NHS: variants seen among roughly 807,000 people sequenced by gnomAD.
NHS encodes the protein NHS actin remodeling regulator.
A neutral mutation model predicts 72.5 loss-of-function variants in NHS; 5 were observed. The observed-to-expected ratio is 0.07, with a 90% confidence interval of 0.04 to 0.14. The LOEUF is 0.14. Ranked by LOEUF, NHS falls within the 10% of genes least tolerant of loss-of-function variation. NHS has a pLI of 1.00. For synonymous variants in NHS, 464 were observed against 547.7 expected, an observed-to-expected ratio of 0.85 and a Z score of 2.13; for missense variants, 1,072 against 1,355.7, an observed-to-expected ratio of 0.79 and a Z score of 3.29.
intron 1 of NHS, among the ~76,000 whole-genome samples, chrX:17,534,675 G>A (rs942615866): frequency 2.7e-5 from 3 of 111,961 alleles, no homozygotes; most frequent in Non-Finnish European, 5.6e-5. Flanking sequence ...ATAAAGGCAA[G>A]TTTATAAAAA....
At chrX:17,411,753 A>G (rs1459544302) in intron 1 of NHS, among the ~76,000 whole-genome samples, 1 of 111,899 alleles carries the variant, frequency 8.9e-6, no homozygotes, top group East Asian at 2.8e-4. Context: ...ATAACCCATG[A>G]CCATATTCTG....
At chrX:17,694,270 T>A (rs754474396) in intron 3 of NHS, among the ~76,000 whole-genome samples, 1 of 112,231 alleles carries the variant, frequency 8.9e-6, no homozygotes, top group East Asian at 2.8e-4. Context: ...CTGTTTTATT[T>A]GTTCAAGAGT....
chrX:17,410,288 A>G (rs997030512), intron 1 of NHS, among the ~76,000 whole-genome samples: 26 of 111,144 alleles, frequency 2.3e-4, no homozygotes, highest in Non-Finnish European at 1.1e-4. Context: ...TGTTAGCAAC[A>G]GTATCGCTGT....
chrX:17,504,891 A>G (rs1187527429), intron 1 of NHS, among the ~76,000 whole-genome samples: 2 of 112,358 alleles, frequency 1.8e-5, no homozygotes, highest in Non-Finnish European at 3.8e-5. Flanking sequence ...AAAGAAAGGA[A>G]TAAAATAAAA....
At chrX:17,627,047 T>C (rs1463736839) in intron 1 of NHS, among the ~76,000 whole-genome samples, 5 of 111,864 alleles carry the variant, frequency 4.5e-5, no homozygotes, top group Non-Finnish European at 9.4e-5. Context: ...GAAAAATGAG[T>C]TTTATCTCCC....
intron 1 of NHS, among the ~76,000 whole-genome samples, chrX:17,608,647 A>G (rs1311841168): frequency 9.0e-6 from 1 of 110,606 alleles, no homozygotes; most frequent in East Asian, 2.8e-4. Context: ...TGGCTATACT[A>G]TGACTGCAGA....
chrX:17,548,016 C>A (rs1387466716), intron 1 of NHS, among the ~76,000 whole-genome samples: 1 of 112,101 alleles, frequency 8.9e-6, no homozygotes, highest in Non-Finnish European at 1.9e-5. Context: ...GGTGTTTCTT[C>A]ATGTCTCTGC....
At chrX:17,493,513 A>G (rs1258730406) in intron 1 of NHS, among the ~76,000 whole-genome samples, 2 of 112,256 alleles carry the variant, frequency 1.8e-5, no homozygotes, top group Admixed American at 9.5e-5. Context: ...TGTCCACTGC[A>G]TCGCCAGTCC....
intron 1 of NHS, among the ~76,000 whole-genome samples, chrX:17,483,452 G>A (rs746227891): frequency 6.3e-5 from 7 of 111,849 alleles, no homozygotes; most frequent in Non-Finnish European, 1.3e-4. Context: ...TAATACCACC[G>A]TGGTTTGTTA....
intron 2 of NHS, among the ~76,000 whole-genome samples, chrX:17,688,101 T>C (rs1180397706): frequency 4.5e-5 from 5 of 112,097 alleles, no homozygotes; most frequent in African/African-American, 1.3e-4. Flanking sequence ...CTAAATATGA[T>C]AATAAAGAGA....
chrX:17,561,683 G>A (rs1380926345), intron 1 of NHS, among the ~76,000 whole-genome samples: 1 of 103,737 alleles, frequency 9.6e-6, no homozygotes, highest in South Asian at 4.6e-4. Flanking sequence ...TTGGAGAGCC[G>A]TCCACTGCTT....
intron 5 of NHS, among the ~76,000 whole-genome samples, chrX:17,724,046 CT>C (rs1179264116): frequency 9.0e-6 from 1 of 111,577 alleles, no homozygotes; most frequent in Non-Finnish European, 1.9e-5. Context: ...TTTCTCTTCT[CT>C]TTCTTTTGAT....
intron 1 of NHS, among the ~76,000 whole-genome samples, chrX:17,420,632 G>A (rs1362004450): frequency 8.9e-6 from 1 of 111,898 alleles, no homozygotes; most frequent in Non-Finnish European, 1.9e-5. Context: ...AGATGCTGAA[G>A]GCCTTTGATG....
intron 1 of NHS, among the ~76,000 whole-genome samples, chrX:17,411,734 T>C (rs2064559999): frequency 8.9e-6 from 1 of 111,906 alleles, no homozygotes; most frequent in African/African-American, 3.2e-5. Flanking sequence ...TATATCCAGG[T>C]AGTGTAGAAT....
chrX:17,649,608 A>C (rs1482411389), intron 1 of NHS, among the ~76,000 whole-genome samples: 1 of 110,619 alleles, frequency 9.0e-6, no homozygotes, highest in Non-Finnish European at 1.9e-5. Flanking sequence ...TTGCCGGTAT[A>C]TGCAAAGTTT....
chrX:17,692,301 G>A (rs1369649363), intron 2 of NHS, 34 bp from the exon 3 acceptor site: 1 of 1,206,683 alleles, frequency 8.3e-7, no homozygotes, highest in South Asian at 1.8e-5. Context: ...AATGCCAAGT[G>A]TATTTCAGTA....
rs955542538 is a variant in NHS, at chrX:17,526,225, T to G, written c.565+149903T>G. Among the ~76,000 whole-genome samples the G allele has an allele frequency of 6.2e-5, 7 of 112,658 alleles. No individual in the cohort carries two copies. In the East Asian group the frequency reaches 2.0e-3, roughly 31 times the overall value. ...AACAACAAACATATATCTTAGTCTG[T>G]GGTTGAGCTCAGTGGTTGTTCCAGT... On this transcript the variant is annotated intron_variant, in intron 1 of 8. Transcript: ENST00000676302.
intron 1 of NHS, among the ~76,000 whole-genome samples, chrX:17,430,310 T>C (rs958963492): frequency 1.2e-5 from 1 of 85,870 alleles, no homozygotes; most frequent in Non-Finnish European, 2.2e-5. Context: ...TTTCTTTCTT[T>C]CTTTCCTTTC....
intron 1 of NHS, among the ~76,000 whole-genome samples, chrX:17,422,982 A>G (rs1727415433): frequency 8.9e-6 from 1 of 112,290 alleles, no homozygotes; most frequent in Non-Finnish European, 1.9e-5. Context: ...ATGCACTAGC[A>G]GTCTGAATCT....
Sources: allele counts gnomAD v4.1 joint callset (sites outside exome capture counted in the v4.1 genomes callset), GRCh38; gene constraint gnomAD v4.1.1; transcripts MANE v1.5; gene names NCBI Gene and HGNC (gene_info 2026-07-23, HGNC 2026-07-21).